The following CFAP54 variants were observed in gnomAD, a reference collection of about 807,000 sequenced individuals.
The protein encoded by CFAP54 is cilia and flagella associated protein 54.
In CFAP54, 290 loss-of-function variants were observed where a neutral mutation model predicts 370.4. The observed-to-expected ratio is 0.78, with a 90% CI of 0.71 to 0.86. CFAP54 has a LOEUF of 0.86. Among genes scored for constraint, CFAP54 ranks in the 40% least tolerant of loss-of-function variants. The pLI is 0.00. For missense variants in CFAP54, 3,399 were observed against 3,528.7 expected (o/e 0.96, Z 0.93); for synonymous variants, 1,206 against 1,236.5 (o/e 0.98, Z 0.52).
intron 28 of CFAP54, 86 bp from the exon 29 acceptor site, chr12:96,625,632 A>T: frequency 1.4e-6 from 1 of 740,714 alleles, no homozygotes; most frequent in Non-Finnish European, 2.1e-6. Flanking sequence ...CATCTCTTTT[A>T]AAGAATTGTT....
chr12:96,578,375 G>T (rs946844090), intron 20 of CFAP54, among the ~76,000 whole-genome samples: 6 of 152,050 alleles, frequency 3.9e-5, no homozygotes, highest in Admixed American at 3.3e-4. Context: ...TGTTGATACT[G>T]GTTTTAAAGT....
At position 96,720,478 on chromosome 12, in the gene CFAP54, A is replaced by T. The variant is rs1454170371; in HGVS notation, c.6878A>T (p.Gln2293Leu). The T allele has an allele frequency of 2.5e-6, 4 of 1,605,878 alleles. No individual in the cohort carries two copies. In the East Asian group the frequency reaches 9.0e-5, roughly 36 times the overall value. ...GAGGTGGAACAGAAGACCCTGTCTC[A>T]GTGCTCCGCTGGCGAGCTGGAGATT... ...LSEVEQKTLS[Q>L]CSAGELEIVV... The change falls in exon 50 of 68, where the codon CAG becomes CTG. Residue 2293 changes from glutamine to leucine, a missense_variant. Physicochemically the swap from Gln to Leu is moderately radical, Grantham distance 113. Transcript: ENST00000524981.
chr12:96,777,160 T>A (rs979537887), intron 60 of CFAP54, among the ~76,000 whole-genome samples: 1 of 152,100 alleles, frequency 6.6e-6, no homozygotes, highest in Non-Finnish European at 1.5e-5. Flanking sequence ...AAAGTAAAAG[T>A]GCTCATTCAG....
At chr12:96,699,839 A>T in intron 45 of CFAP54, 132 bp from the exon 46 acceptor site, 1 of 686,396 alleles carries the variant, frequency 1.5e-6, no homozygotes, top group Non-Finnish European at 2.4e-6. Flanking sequence ...AGTAAACATT[A>T]ATTCATAATG....
intron 26 of CFAP54, among the ~76,000 whole-genome samples, chr12:96,619,838 A>G (rs564371726): frequency 6.6e-6 from 1 of 152,114 alleles, no homozygotes; most frequent in South Asian, 2.1e-4. Flanking sequence ...CTGCTCATAT[A>G]CATTTCATAA....
At position 96,816,131 on chromosome 12, in the gene CFAP54, T is replaced by G. The variant is rs181702037; in HGVS notation, c.8958-1644T>G. ...AATGGTAGCTTGATGGGAATAGCATTGAATCTATGAATTACTTTGGGCAGT... is the reference window on the plus strand; with the variant it reads ...AATGGTAGCTTGATGGGAATAGCATGGAATCTATGAATTACTTTGGGCAGT... On this transcript the variant is annotated intron_variant, in intron 64 of 67. Coordinates refer to ENST00000524981, the MANE Select transcript of CFAP54 (RefSeq NM_001306084.2). Among the ~76,000 whole-genome samples, 766 of 152,332 alleles carry G rather than the reference T, an allele frequency of 5.0e-3. 1 individual carries two copies. The highest frequency in any genetic ancestry group is 8.8e-3 in the Non-Finnish European group (602 of 68,030).
chr12:96,733,264 C>A (rs116528029), intron 50 of CFAP54, among the ~76,000 whole-genome samples: 2,293 of 152,118 alleles, frequency 0.015, 72 homozygotes, highest in African/African-American at 0.053. Flanking sequence ...TGAACTTTAC[C>A]CCCTGTGAGC....
chr12:96,772,537 T>C (rs1028641475), intron 60 of CFAP54, among the ~76,000 whole-genome samples: 3 of 151,912 alleles, frequency 2.0e-5, no homozygotes, highest in African/African-American at 7.3e-5. Flanking sequence ...CCCACCTGGA[T>C]AACCCAGGAT....
intron 67 of CFAP54, among the ~76,000 whole-genome samples, chr12:96,871,709 T>C (rs1331341093): frequency 2.0e-5 from 3 of 152,062 alleles, no homozygotes; most frequent in African/African-American, 7.2e-5. Flanking sequence ...CATATGGAAA[T>C]GGAAAAAGAA....
intron 66 of CFAP54, among the ~76,000 whole-genome samples, chr12:96,841,495 C>A (rs1220801523): frequency 6.6e-6 from 1 of 152,150 alleles, no homozygotes; most frequent in Non-Finnish European, 1.5e-5. Context: ...AATTGGCAAA[C>A]CTTTGGAAAG....
chr12:96,508,322 G>T (rs1460240786), intron 4 of CFAP54, among the ~76,000 whole-genome samples: 1 of 144,144 alleles, frequency 6.9e-6, no homozygotes, highest in Non-Finnish European at 1.5e-5. Flanking sequence ...GTCTCGCTGT[G>T]TTGCCCAGGC....
At chr12:96,678,527 C>T (rs1041530327) in intron 39 of CFAP54, among the ~76,000 whole-genome samples, 8 of 152,208 alleles carry the variant, frequency 5.3e-5, no homozygotes, top group South Asian at 2.1e-4. Flanking sequence ...TCTGGGATTA[C>T]AGGTGTGAGC....
rs565921278 is a variant in CFAP54 at position 96,827,837 on chromosome 12, A to T, written c.9097-1177A>T. Reference sequence around the variant, plus strand: ...TAATATATTATATATAGTTATATATAATATATAATTATATATAATACATAG... The same window carrying T: ...TAATATATTATATATAGTTATATATTATATATAATTATATATAATACATAG... On this transcript the variant is annotated intron_variant, in intron 65 of 67. Transcript: ENST00000524981. Among the ~76,000 whole-genome samples, 1,039 of 111,864 alleles carry T rather than the reference A, an allele frequency of 9.3e-3. 31 individuals carry two copies. Among genetic ancestry groups the T allele is most frequent in the African/African-American group, 0.036 (986 of 27,698 alleles). The allele number at this position is 111,864 out of a possible 152,430, so 73.4% of individuals were successfully genotyped here.
chr12:96,585,179 G>C (rs1230948964), intron 22 of CFAP54, among the ~76,000 whole-genome samples: 1 of 149,598 alleles, frequency 6.7e-6, no homozygotes, highest in East Asian at 2.0e-4. Flanking sequence ...ATTTTTCTTT[G>C]AGTTGGAGTC....
chr12:96,610,424 TC>T (rs1445405859), intron 26 of CFAP54, among the ~76,000 whole-genome samples: 1 of 151,990 alleles, frequency 6.6e-6, no homozygotes, highest in African/African-American at 2.4e-5. Flanking sequence ...GGGTGGGGGC[TC>T]CCAAGATGGC....
chr12:96,754,343 A>G (rs758408171), intron 56 of CFAP54, among the ~76,000 whole-genome samples: 3 of 152,328 alleles, frequency 2.0e-5, no homozygotes, highest in African/African-American at 4.8e-5. Flanking sequence ...TAAAACTTAT[A>G]TATAACACCT....
At chr12:96,590,533 A>G (rs1410083449) in intron 23 of CFAP54, among the ~76,000 whole-genome samples, 6 of 152,234 alleles carry the variant, frequency 3.9e-5, no homozygotes, top group Admixed American at 3.3e-4. Context: ...ATATGCAAAT[A>G]TTGCTTCAGG....
intron 65 of CFAP54, among the ~76,000 whole-genome samples, chr12:96,820,682 A>T (rs1959022767): frequency 6.6e-6 from 1 of 152,188 alleles, no homozygotes; most frequent in African/African-American, 2.4e-5. Flanking sequence ...ATCCCTCAAT[A>T]TATCAGATAA....
At chr12:96,624,742 C>A (rs1460324863) in intron 28 of CFAP54, among the ~76,000 whole-genome samples, 1 of 152,194 alleles carries the variant, frequency 6.6e-6, no homozygotes, top group Non-Finnish European at 1.5e-5. Context: ...CCCTACCTCA[C>A]CTTTCCTACT....
Sources: gnomAD v4.1 joint callset for allele counts (sites outside exome capture counted in the v4.1 genomes callset) on GRCh38, gnomAD v4.1.1 for gene constraint, MANE v1.5 for transcripts, NCBI Gene and HGNC (gene_info 2026-07-23, HGNC 2026-07-21) for gene names.